The following KANSL1 variants were observed in gnomAD, a reference collection of about 807,000 sequenced individuals.
KANSL1 encodes the protein KAT8 regulatory NSL complex subunit 1.
A neutral mutation model predicts 103.6 loss-of-function variants in KANSL1; 22 were observed. The ratio of observed to expected loss-of-function variants is 0.21; its 90% CI spans 0.15 to 0.30. The LOEUF (loss-of-function observed/expected upper bound fraction) is 0.30. Ranked by LOEUF, KANSL1 falls within the 10% of genes least tolerant of loss-of-function variation. KANSL1 has a pLI of 1.00. For missense variants in KANSL1, 1,337 were observed against 1,399.8 expected (o/e 0.96, Z 0.72); for synonymous variants, 600 against 527.6 (o/e 1.14, Z -1.88).
rs2043498409 is a variant in KANSL1, at chr17:46,125,205, C to T, written c.1290-30504G>A. Among the ~76,000 whole-genome samples, 2 of 152,108 alleles carry T rather than the reference C, an allele frequency of 1.3e-5. 1 individual carries two copies. Among genetic ancestry groups the T allele is most frequent in the South Asian group, 4.1e-4 (2 of 4,838 alleles). ...GCCATCAACATGGAGATAGGACCTT[C>T]CACCAGCAAAAAAGATTATGACTCA... On this transcript the variant is annotated intron_variant, in intron 2 of 14. Transcript: ENST00000432791.
At chr17:46,166,924 A>T (rs2046030316) in intron 2 of KANSL1, among the ~76,000 whole-genome samples, 1 of 152,276 alleles carries the variant, frequency 6.6e-6, no homozygotes, top group South Asian at 2.1e-4. Context: ...TATCCTCAAC[A>T]ATATTTCAGT....
intron 6 of KANSL1, among the ~76,000 whole-genome samples, chr17:46,057,547 T>G (rs1255420007): frequency 6.6e-6 from 1 of 152,090 alleles, no homozygotes; most frequent in Non-Finnish European, 1.5e-5. Context: ...CACCAGTGGT[T>G]GATAACAAAC....
At chr17:46,095,630 C>A (rs2042027213) in intron 2 of KANSL1, among the ~76,000 whole-genome samples, 1 of 152,080 alleles carries the variant, frequency 6.6e-6, no homozygotes, top group Non-Finnish European at 1.5e-5. Context: ...ATATGAACAG[C>A]CAAACTTAAA....
At chr17:46,070,934 A>G (rs886761774) in intron 4 of KANSL1, among the ~76,000 whole-genome samples, 6 of 152,194 alleles carry the variant, frequency 3.9e-5, no homozygotes, top group African/African-American at 1.4e-4. Context: ...AAATGTTGCC[A>G]TTCTCTAACA....
intron 2 of KANSL1, among the ~76,000 whole-genome samples, chr17:46,158,837 G>A (rs1420133760): frequency 2.0e-5 from 3 of 152,168 alleles, no homozygotes; most frequent in South Asian, 4.1e-4. Flanking sequence ...CACCACACCC[G>A]GCCAAGAGAC....
At chr17:46,193,713 G>T, upstream of KANSL1, 1 of 263,596 alleles carries the variant, frequency 3.8e-6, no homozygotes, top group South Asian at 2.7e-5. Flanking sequence ...TGCGGCAGGG[G>T]GAAGCCAGCC....
chr17:46,097,844 C>T (rs992238562), intron 2 of KANSL1, among the ~76,000 whole-genome samples: 3 of 149,622 alleles, frequency 2.0e-5, no homozygotes, highest in African/African-American at 7.7e-5. Flanking sequence ...AATCTGACCA[C>T]GACAGAGTAA....
chr17:46,156,988 T>C (rs1208891578), intron 2 of KANSL1: 1 of 152,286 alleles, frequency 6.6e-6, no homozygotes, highest in East Asian at 1.9e-4. Context: ...TCATCATTCC[T>C]GATCTAACCA....
At position 46,210,902 on chromosome 17, in the gene KANSL1, G is replaced by T. The variant is rs906671006; in HGVS notation, c.-90+12769C>A. On this transcript the variant is annotated intron_variant, in intron 1 of 14. Coordinates refer to the KANSL1 transcript ENST00000572904. ...ATCTAGCAGAAGACAAACCAGACTTGCTCTAAGCAGTTCCCGTGTAGACAA... is the reference window on the plus strand; with the variant it reads ...ATCTAGCAGAAGACAAACCAGACTTTCTCTAAGCAGTTCCCGTGTAGACAA... 2.0e-5 allele frequency among the ~76,000 whole-genome samples: 3 copies of T among 152,292 alleles called. No individual in the cohort carries two copies. The South Asian group carries it at 6.2e-4, about 32-fold the overall frequency.
At position 46,171,385 on chromosome 17, in the gene KANSL1, G is replaced by C; in HGVS notation, c.759C>G (p.Asp253Glu). 6.2e-7 allele frequency: 1 copy of C among 1,614,174 alleles called. No homozygotes were observed. The highest frequency in any genetic ancestry group is 1.6e-4 in the Middle Eastern group (1 of 6,062). The change falls in exon 2 of 15, where the codon GAC becomes GAG. Residue 253 changes from aspartate to glutamate, a missense_variant. Physicochemically the swap from Asp to Glu is conservative, Grantham distance 45. Around this residue, in one of 2 missense-constraint regions of KANSL1, gnomAD observed 557 missense variants for 476.4 expected, o/e 1.17. Coordinates refer to ENST00000432791, the MANE Select transcript of KANSL1 (RefSeq NM_015443.4). ...QGSSRLSPGT[D>E]SSSNLGGVKL... is the part of the protein sequence containing the mutation. ...TGACACCCCCCAAGTTAGAGCTGGA[G>C]TCTGTACCAGGTGATAATCTACTGC...
intron 7 of KANSL1, chr17:46,042,706 T>G (rs1479422272): frequency 6.6e-6 from 1 of 151,212 alleles, no homozygotes; most frequent in Non-Finnish European, 1.5e-5. Flanking sequence ...GTATAGATGA[T>G]GAATTTCATG....
At chr17:46,208,161 A>G (rs2148009484) in intron 1 of KANSL1, among the ~76,000 whole-genome samples, 1 of 152,338 alleles carries the variant, frequency 6.6e-6, no homozygotes, top group East Asian at 1.9e-4. Flanking sequence ...AAAGATAAAT[A>G]CACGAGATGC....
At chr17:46,041,910 G>GTGTGTATA (rs1271542269) in intron 7 of KANSL1, 1 of 131,198 alleles carries the variant, frequency 7.6e-6, no homozygotes, top group African/African-American at 2.8e-5. Flanking sequence ...GTGTGTGTGT[G>GTGTGTATA]TATATTTTTT....
chr17:46,215,902 G>A (rs1299437159), intron 1 of KANSL1, among the ~76,000 whole-genome samples: 4 of 151,996 alleles, frequency 2.6e-5, no homozygotes, highest in South Asian at 2.1e-4. Flanking sequence ...CTGGCCGGAC[G>A]TGGTGGCGCA....
intron 6 of KANSL1, among the ~76,000 whole-genome samples, chr17:46,055,084 C>T (rs1000052762): frequency 1.3e-5 from 2 of 151,766 alleles, no homozygotes; most frequent in African/African-American, 4.8e-5. Context: ...CTCCTGACCT[C>T]GTGATCCGCC....
chr17:46,165,250 T>A (rs1013928566), intron 2 of KANSL1, among the ~76,000 whole-genome samples: 3 of 152,216 alleles, frequency 2.0e-5, no homozygotes, highest in Admixed American at 6.5e-5. Flanking sequence ...CTTATTTATT[T>A]GAAATGGAGT....
chr17:46,166,451 G>A (rs2046004614), intron 2 of KANSL1, among the ~76,000 whole-genome samples: 1 of 151,900 alleles, frequency 6.6e-6, no homozygotes, highest in Non-Finnish European at 1.5e-5. Context: ...GCCAGAGGTT[G>A]CAGTGAGCCA....
At chr17:46,057,005 G>A (rs938785241) in intron 6 of KANSL1, among the ~76,000 whole-genome samples, 2 of 152,166 alleles carry the variant, frequency 1.3e-5, no homozygotes, top group Non-Finnish European at 2.9e-5. Flanking sequence ...GAACCATGAG[G>A]TTCAAATTAC....
At chr17:46,082,306 A>T (rs111519055) in intron 4 of KANSL1, 135 bp downstream of exon 4, 2 of 573,626 alleles carry the variant, frequency 3.5e-6, no homozygotes, top group Non-Finnish European at 6.2e-6. Context: ...ATCTTAAAAC[A>T]CCAAAAGTGA....
Sources: gnomAD v4.1 joint callset for allele counts (sites outside exome capture counted in the v4.1 genomes callset) on GRCh38, gnomAD v4.1.1 for gene constraint, gnomAD v4.1.1 regional missense constraint, MANE v1.5 for transcripts, NCBI Gene and HGNC (gene_info 2026-07-23, HGNC 2026-07-21) for gene names.